Variants in MAP4 observed in about 807,000 individuals in gnomAD.
MAP4 encodes the protein microtubule-associated protein 4.
MAP4 carries 76 observed loss-of-function variants against 170.2 expected under a neutral mutation model. That is an observed-to-expected ratio of 0.45 (90% CI 0.37 to 0.54). The LOEUF (loss-of-function observed/expected upper bound fraction) is 0.54. Ranked by LOEUF, MAP4 falls within the 20% of genes least tolerant of loss-of-function variation. The pLI is 0.00. For synonymous variants in MAP4, 909 were observed against 994.5 expected (o/e 0.91, Z 1.62); for missense variants, 2,506 against 2,748.0 (o/e 0.91, Z 1.97).
At position 47,877,684 on chromosome 3, in the gene MAP4, C is replaced by T. The variant is rs2152496949; in HGVS notation, c.5435-161G>A. The T allele has an allele frequency of 5.7e-6, 3 of 530,508 alleles. No homozygotes were observed. In the East Asian group the frequency reaches 9.4e-5, roughly 17 times the overall value. 32.9% of individuals were successfully genotyped at this position (530,508 alleles called of 1,614,324 possible). Reference sequence around the variant, plus strand: ...AATGTGGACAAGCCTCCCAAGTTCTCATTGTGATGGAGGACAGTTTTAGAT... The same window carrying T: ...AATGTGGACAAGCCTCCCAAGTTCTTATTGTGATGGAGGACAGTTTTAGAT... On this transcript the variant is annotated intron_variant, in intron 10 of 20. Coordinates refer to ENST00000683076, the MANE Select transcript of MAP4 (RefSeq NM_001385682.1).
intron 10 of MAP4, among the ~76,000 whole-genome samples, chr3:47,894,551 C>A (rs1025531526): frequency 1.3e-5 from 2 of 151,840 alleles, no homozygotes; most frequent in African/African-American, 4.8e-5. Flanking sequence ...CCACTGCACT[C>A]CAGCCTGGGC....
intron 1 of MAP4, among the ~76,000 whole-genome samples, chr3:48,052,180 A>G (rs1429637197): frequency 6.6e-6 from 1 of 152,130 alleles, no homozygotes; most frequent in Non-Finnish European, 1.5e-5. Flanking sequence ...AGGGAAATGG[A>G]AGGATTAGGT....
In MAP4 at chr3:47,965,740, T is replaced by A. The variant is rs568181445; in HGVS notation, c.292+12125A>T. On this transcript the variant is annotated intron_variant, in intron 3 of 20. Transcript: ENST00000683076. Reference sequence around the variant, plus strand: ...TCTTCAAGTCCTTTGCCCATATTTTTAATTTTTTTTTGTTGAGCTCTAGAA... The same window carrying A: ...TCTTCAAGTCCTTTGCCCATATTTTAAATTTTTTTTTGTTGAGCTCTAGAA... Among the ~76,000 whole-genome samples, 18 of 152,312 alleles carry A rather than the reference T, an allele frequency of 1.2e-4. No individual in the cohort carries two copies. The East Asian group carries it at 2.3e-3, about 20-fold the overall frequency.
intron 3 of MAP4, among the ~76,000 whole-genome samples, chr3:47,968,022 T>C (rs1169934275): frequency 2.0e-5 from 3 of 152,218 alleles, no homozygotes; most frequent in East Asian, 1.9e-4. Context: ...CTGAGGCTCA[T>C]AGTTGTAGCG....
At chr3:47,953,164 T>C (rs1342154606) in intron 3 of MAP4, among the ~76,000 whole-genome samples, 1 of 152,044 alleles carries the variant, frequency 6.6e-6, no homozygotes, top group Admixed American at 6.6e-5. Flanking sequence ...TGTCAAATCT[T>C]AGGGTGAACT....
chr3:48,080,191 C>CA (rs1302102673), intron 1 of MAP4, among the ~76,000 whole-genome samples: 1 of 152,152 alleles, frequency 6.6e-6, no homozygotes, highest in Non-Finnish European at 1.5e-5. Flanking sequence ...GGCAGATCTA[C>CA]AATCATTATC....
At chr3:48,024,937 G>A (rs182354632) in intron 1 of MAP4, among the ~76,000 whole-genome samples, 37 of 152,028 alleles carry the variant, frequency 2.4e-4, no homozygotes, top group Non-Finnish European at 3.7e-4. Flanking sequence ...ACCAAAAAAA[G>A]GCAGTGCAAT....
chr3:47,869,548 A>C (rs1412874414), intron 15 of MAP4, among the ~76,000 whole-genome samples: 3 of 152,176 alleles, frequency 2.0e-5, no homozygotes, highest in African/African-American at 7.2e-5. Flanking sequence ...CCATAGTCTT[A>C]AGACATGAGG....
At chr3:47,894,539 C>A in intron 10 of MAP4, among the ~76,000 whole-genome samples, 1 of 151,838 alleles carries the variant, frequency 6.6e-6, no homozygotes, top group Non-Finnish European at 1.5e-5. Flanking sequence ...GCTGAGATCA[C>A]GCCACTGCAC....
At chr3:47,985,894 C>T (rs1175113826) in intron 2 of MAP4, among the ~76,000 whole-genome samples, 1 of 152,194 alleles carries the variant, frequency 6.6e-6, no homozygotes, top group Non-Finnish European at 1.5e-5. Flanking sequence ...AATATCTCAT[C>T]AGCATTTAAC....
At chr3:47,994,880 C>T (rs1349045993) in intron 2 of MAP4, among the ~76,000 whole-genome samples, 3 of 150,376 alleles carry the variant, frequency 2.0e-5, no homozygotes, top group Admixed American at 6.7e-5. Flanking sequence ...ACCTGGGAGG[C>T]GGAGGATGCA....
intron 10 of MAP4, among the ~76,000 whole-genome samples, chr3:47,887,150 T>C (rs577666124): frequency 1.3e-5 from 2 of 152,218 alleles, no homozygotes; most frequent in Non-Finnish European, 2.9e-5. Context: ...TGGGACCCCC[T>C]TTCTGGGCTG....
chr3:47,880,425 A>G (rs1264968351), intron 10 of MAP4, among the ~76,000 whole-genome samples: 1 of 138,346 alleles, frequency 7.2e-6, no homozygotes, highest in African/African-American at 2.7e-5. Context: ...ACTTTTGATT[A>G]TTGCACTAAC....
At chr3:47,944,054 G>A (rs896309028) in intron 3 of MAP4, among the ~76,000 whole-genome samples, 2 of 152,082 alleles carry the variant, frequency 1.3e-5, no homozygotes, top group African/African-American at 4.8e-5. Flanking sequence ...GCTCACGCCT[G>A]TAATCTCAGC....
chr3:47,888,741 T>C (rs1397668180), intron 10 of MAP4, among the ~76,000 whole-genome samples: 7 of 152,222 alleles, frequency 4.6e-5, no homozygotes, highest in Non-Finnish European at 8.8e-5. Flanking sequence ...CTTAGCAAGA[T>C]TGGATTCCAA....
At chr3:48,027,381 G>A (rs1195361468) in intron 1 of MAP4, among the ~76,000 whole-genome samples, 2 of 152,086 alleles carry the variant, frequency 1.3e-5, no homozygotes, top group Admixed American at 6.6e-5. Flanking sequence ...CAAGCCCAGA[G>A]TTCCCTCCCC....
intron 7 of MAP4, among the ~76,000 whole-genome samples, 160 bp from the exon 8 acceptor site, chr3:47,915,099 T>A (rs1376022933): frequency 6.6e-6 from 1 of 151,926 alleles, no homozygotes. Flanking sequence ...TGGGAAGGTA[T>A]GTCTAGTTAT....
intron 10 of MAP4, among the ~76,000 whole-genome samples, chr3:47,902,391 T>C (rs1299295677): frequency 6.6e-6 from 1 of 151,758 alleles, no homozygotes; most frequent in Non-Finnish European, 1.5e-5. Flanking sequence ...AAAAAGCCAG[T>C]GGAGTCAGGC....
chr3:47,891,152 G>T, intron 10 of MAP4: 1 of 1,536,214 alleles, frequency 6.5e-7, no homozygotes, highest in Non-Finnish European at 8.7e-7. Flanking sequence ...CTGCGAGCAT[G>T]AATCAATTCT....
Sources: gnomAD v4.1 joint callset for allele counts (sites outside exome capture counted in the v4.1 genomes callset) on GRCh38, gnomAD v4.1.1 for gene constraint, MANE v1.5 for transcripts, NCBI Gene and HGNC (gene_info 2026-07-23, HGNC 2026-07-21) for gene names.